PTPRR: variants seen among roughly 807,000 people sequenced by gnomAD.
The protein encoded by PTPRR is protein tyrosine phosphatase receptor type R.
PTPRR carries 38 observed loss-of-function variants against 77.2 expected under a neutral mutation model. The observed-to-expected ratio is 0.49, with a 90% CI of 0.38 to 0.65. The LOEUF (loss-of-function observed/expected upper bound fraction) is 0.65. PTPRR is among the 30% of genes least tolerant of loss of function. The probability of loss-of-function intolerance (pLI) is 0.00; values close to 1 mark genes in which losing one functional copy is unlikely to be tolerated. For missense variants in PTPRR, 744 were observed against 799.2 expected, an observed-to-expected ratio of 0.93 and a Z score of 0.83; for synonymous variants, 299 against 283.1, an observed-to-expected ratio of 1.06 and a Z score of -0.57.
chr12:70,886,242 C>T (rs563578367), intron 2 of PTPRR, among the ~76,000 whole-genome samples: 1 of 152,302 alleles, frequency 6.6e-6, no homozygotes, highest in East Asian at 1.9e-4. Context: ...TACTTCAGGA[C>T]TATTTTGCAA....
intron 6 of PTPRR, among the ~76,000 whole-genome samples, chr12:70,704,523 C>T (rs930856053): frequency 2.9e-4 from 44 of 152,076 alleles, no homozygotes; most frequent in African/African-American, 8.9e-4. Flanking sequence ...TTTGACTTCC[C>T]ACAGTATACG....
chr12:70,912,848 A>G (rs570096676), intron 1 of PTPRR, among the ~76,000 whole-genome samples: 77 of 152,280 alleles, frequency 5.1e-4, no homozygotes, highest in African/African-American at 1.8e-3. Flanking sequence ...TTAGCATTAC[A>G]TCTTTATTTT....
rs988909860 is a variant in PTPRR, at chr12:70,897,034, G to A, written c.59-4057C>T. Among the ~76,000 whole-genome samples, 6 of 151,962 alleles carry A rather than the reference G, an allele frequency of 3.9e-5. No homozygotes were observed. The South Asian group carries it at 1.2e-3, about 31-fold the overall frequency. On this transcript the variant is annotated intron_variant, in intron 1 of 13. Coordinates refer to ENST00000283228, the MANE Select transcript of PTPRR (RefSeq NM_002849.4). The stretch of plus-strand genomic sequence containing the variant: ...CTGTAGCCTTGTAGTATAGTTTGAA[G>A]TCAGGTAGCGTGATGCCTCCAGCTT...
intron 13 of PTPRR, among the ~76,000 whole-genome samples, chr12:70,654,920 C>T (rs571808313): frequency 1.3e-5 from 2 of 152,332 alleles, no homozygotes; most frequent in South Asian, 2.1e-4. Context: ...GCTGAGATTA[C>T]AGGCGAGAGC....
intron 2 of PTPRR, among the ~76,000 whole-genome samples, chr12:70,858,309 C>G (rs1300212972): frequency 6.6e-6 from 1 of 152,130 alleles, no homozygotes; most frequent in African/African-American, 2.4e-5. Flanking sequence ...AAATCTCTTG[C>G]CCATCTATTT....
chr12:70,681,325 C>A (rs547442786), intron 10 of PTPRR, among the ~76,000 whole-genome samples: 2 of 152,330 alleles, frequency 1.3e-5, no homozygotes, highest in African/African-American at 4.8e-5. Context: ...TGAGGGGATA[C>A]AATGTGGGCT....
chr12:70,835,098 T>C (rs996802374), intron 2 of PTPRR, among the ~76,000 whole-genome samples: 3 of 152,098 alleles, frequency 2.0e-5, no homozygotes, highest in Non-Finnish European at 2.9e-5. Flanking sequence ...GATAAATAAG[T>C]ACTTCTCTTC....
At chr12:70,732,976 G>T (rs1173367413) in intron 6 of PTPRR, among the ~76,000 whole-genome samples, 4 of 152,094 alleles carry the variant, frequency 2.6e-5, no homozygotes, top group Non-Finnish European at 5.9e-5. Context: ...ACACGTACAA[G>T]GTGGTAGGCA....
intron 2 of PTPRR, among the ~76,000 whole-genome samples, chr12:70,784,065 C>CAACCCT (rs11281997): frequency 1.5e-3 from 104 of 68,304 alleles, no homozygotes; most frequent in African/African-American, 2.6e-3. Context: ...CCTGGGTCTG[C>CAACCCT]GGTTTGGGTG....
intron 6 of PTPRR, among the ~76,000 whole-genome samples, chr12:70,715,936 T>C (rs1029791056): frequency 1.3e-5 from 2 of 152,148 alleles, no homozygotes; most frequent in African/African-American, 4.8e-5. Flanking sequence ...ATCACAAGGG[T>C]ATTGATTGGG....
chr12:70,667,926 AGTGATCT>A (rs1313234277), intron 10 of PTPRR, among the ~76,000 whole-genome samples: 2 of 152,062 alleles, frequency 1.3e-5, no homozygotes, highest in African/African-American at 4.8e-5. Context: ...TCTACTCCAC[AGTGATCT>A]GCAAATTGAG....
intron 2 of PTPRR, among the ~76,000 whole-genome samples, chr12:70,830,199 C>A (rs1056847111): frequency 1.3e-5 from 2 of 152,052 alleles, no homozygotes; most frequent in African/African-American, 4.8e-5. Flanking sequence ...TCAAAGCAAC[C>A]AGATTTACCT....
At chr12:70,669,397 A>G (rs1401487206) in intron 10 of PTPRR, among the ~76,000 whole-genome samples, 1 of 151,904 alleles carries the variant, frequency 6.6e-6, no homozygotes, top group African/African-American at 2.4e-5. Context: ...TGTGGTTTCT[A>G]CTGCTGGAAC....
intron 6 of PTPRR, among the ~76,000 whole-genome samples, chr12:70,721,508 G>A (rs2136848398): frequency 6.6e-6 from 1 of 152,258 alleles, no homozygotes; most frequent in African/African-American, 2.4e-5. Flanking sequence ...CTATTGTGGG[G>A]GAGGAATTAT....
At chr12:70,787,645 A>G (rs1479552706) in intron 2 of PTPRR, among the ~76,000 whole-genome samples, 1 of 152,088 alleles carries the variant, frequency 6.6e-6, no homozygotes, top group African/African-American at 2.4e-5. Context: ...CCAAGCCATC[A>G]TTTGGCATTA....
Position 70,684,768 on chromosome 12 carries a change from A to C in PTPRR, c.1295T>G (p.Val432Gly). 1 of 1,606,668 alleles carries C rather than the reference A, an allele frequency of 6.2e-7. No individual in the cohort carries two copies. Among genetic ancestry groups the C allele is most frequent in the Non-Finnish European group, 8.5e-7 (1 of 1,174,826 alleles). Residue 432 changes from valine (V) to glycine (G), a missense_variant, in exon 9 of 14, where the codon GTG (valine) becomes GGG (glycine). Val to Gly is a moderately radical substitution (Grantham distance 109). This residue lies in a region of PTPRR where 570 missense variants were observed against 573.2 expected (regional missense o/e 0.99). Transcript: ENST00000283228. ...KTILPNPLSR[V>G]CLRPKNVTDS... ...GGTTACATTTTTTGGTCTTAAACAC[A>C]CTCTGCTGAGGGGATCTAATGAAGA...
At chr12:70,915,690 C>T (rs1252796935) in intron 1 of PTPRR, among the ~76,000 whole-genome samples, 2 of 152,102 alleles carry the variant, frequency 1.3e-5, no homozygotes, top group African/African-American at 4.8e-5. Flanking sequence ...CCTTTATTGC[C>T]CTTCAGTTCA....
At chr12:70,898,972 T>G (rs1297665795) in intron 1 of PTPRR, among the ~76,000 whole-genome samples, 1 of 151,476 alleles carries the variant, frequency 6.6e-6, no homozygotes, top group Non-Finnish European at 1.5e-5. Context: ...TTCAACAATT[T>G]AGATAAAACG....
At chr12:70,868,276 G>A (rs1418366177) in intron 2 of PTPRR, among the ~76,000 whole-genome samples, 11 of 151,420 alleles carry the variant, frequency 7.3e-5, no homozygotes, top group South Asian at 2.1e-4. Flanking sequence ...AAAAATTTTC[G>A]CAACCTACTC....
Sources: allele counts gnomAD v4.1 joint callset (sites outside exome capture counted in the v4.1 genomes callset), GRCh38; gene constraint gnomAD v4.1.1; regional missense constraint gnomAD v4.1.1; transcripts MANE v1.5; gene names NCBI Gene and HGNC (gene_info 2026-07-23, HGNC 2026-07-21).